SMOC1: variants seen among roughly 807,000 people sequenced by gnomAD.
SMOC1 encodes SPARC-related modular calcium-binding protein 1.
Under a neutral mutation model 56.3 loss-of-function variants are expected in SMOC1, and 22 were observed. The ratio of observed to expected loss-of-function variants is 0.39; its 90% confidence interval spans 0.28 to 0.56. The LOEUF (loss-of-function observed/expected upper bound fraction) is 0.56. Among genes scored for constraint, SMOC1 ranks in the 20% least tolerant of loss-of-function variants. The pLI is 0.61. For synonymous variants in SMOC1, 193 were observed against 215.0 expected (o/e 0.90, Z 0.89); for missense variants, 509 against 565.4 (o/e 0.90, Z 1.01).
intron 1 of SMOC1, among the ~76,000 whole-genome samples, chr14:69,951,760 A>T (rs898697631): frequency 6.6e-6 from 1 of 152,228 alleles, no homozygotes; most frequent in Non-Finnish European, 1.5e-5. Flanking sequence ...TGACAGATTT[A>T]GGTTCTAATT....
chr14:69,992,326 A>G, intron 5 of SMOC1, 91 bp from the exon 6 acceptor site: 2 of 1,334,378 alleles, frequency 1.5e-6, no homozygotes, highest in Non-Finnish European at 2.1e-6. Context: ...GGCCTTGTAC[A>G]AACCCCAACC....
intron 1 of SMOC1, among the ~76,000 whole-genome samples, chr14:69,904,807 G>T (rs1884362496): frequency 1.3e-5 from 2 of 152,182 alleles, no homozygotes; most frequent in Admixed American, 1.3e-4. Flanking sequence ...CCTTCATGGG[G>T]TTGTGGTGAC....
At chr14:69,915,937 C>T (rs1397303290) in intron 1 of SMOC1, among the ~76,000 whole-genome samples, 1 of 152,230 alleles carries the variant, frequency 6.6e-6, no homozygotes, top group African/African-American at 2.4e-5. Context: ...TCCCTATTCT[C>T]ATTCCTTTGC....
intron 5 of SMOC1, among the ~76,000 whole-genome samples, chr14:69,988,463 C>T (rs1255363371): frequency 2.0e-5 from 3 of 152,130 alleles, no homozygotes; most frequent in Non-Finnish European, 4.4e-5. Context: ...AGTCTTCCCC[C>T]AAATTAAGGA....
At chr14:69,897,810 T>C (rs776068609) in intron 1 of SMOC1, among the ~76,000 whole-genome samples, 11 of 152,234 alleles carry the variant, frequency 7.2e-5, no homozygotes, top group Non-Finnish European at 1.3e-4. Flanking sequence ...AAAACTATTA[T>C]CTGTTAAATT....
intron 5 of SMOC1, among the ~76,000 whole-genome samples, chr14:69,985,408 G>T (rs1364993447): frequency 6.6e-6 from 1 of 152,084 alleles, no homozygotes; most frequent in Non-Finnish European, 1.5e-5. Flanking sequence ...TTATTCCAGA[G>T]AAATGAAAAT....
intron 1 of SMOC1, among the ~76,000 whole-genome samples, chr14:69,934,092 G>A (rs1418451485): frequency 6.6e-6 from 1 of 152,146 alleles, no homozygotes; most frequent in East Asian, 1.9e-4. Context: ...GGCTCATAGA[G>A]GTATGTATCT....
Position 69,994,132 on chromosome 14 carries a change from T to G in SMOC1, c.584-268T>G, listed in dbSNP as rs2139548688. ...TTCCTTACCTCCTGGGATAATATTT[T>G]TATTCCTGGATGGAGTGCTCAGTGC... On this transcript the variant is annotated intron_variant, in intron 6 of 11. Transcript: ENST00000361956. 9.7e-6 allele frequency: 5 copies of G among 513,390 alleles called. No individual in the cohort carries two copies. In the South Asian group the frequency reaches 1.1e-4, roughly 11 times the overall value. 31.8% of individuals were successfully genotyped at this position (513,390 alleles called of 1,614,324 possible). A position where few individuals can be genotyped will look rare whatever the true frequency, so the allele number is the denominator to read the frequency against.
chr14:69,902,959 G>C (rs936333806), intron 1 of SMOC1, among the ~76,000 whole-genome samples: 1 of 152,102 alleles, frequency 6.6e-6, no homozygotes, highest in Non-Finnish European at 1.5e-5. Flanking sequence ...GCGTGATCTC[G>C]GCTCGCTGCA....
intron 11 of SMOC1, among the ~76,000 whole-genome samples, chr14:70,023,965 A>C (rs1885834247): frequency 6.6e-6 from 1 of 152,054 alleles, no homozygotes; most frequent in South Asian, 2.1e-4. Flanking sequence ...TCTGGGGGTC[A>C]TCTCCATCCT....
chr14:69,959,566 G>A (rs1262260049), intron 3 of SMOC1, among the ~76,000 whole-genome samples: 2 of 152,166 alleles, frequency 1.3e-5, no homozygotes, highest in African/African-American at 4.8e-5. Context: ...TCTTGATATA[G>A]TTGTATGGGC....
intron 1 of SMOC1, among the ~76,000 whole-genome samples, chr14:69,917,901 T>G (rs1396244392): frequency 1.3e-5 from 2 of 152,096 alleles, no homozygotes; most frequent in African/African-American, 2.4e-5. Context: ...GCAGGCAGAA[T>G]GGGAGGCAAC....
At chr14:69,911,029 G>A (rs150698891) in intron 1 of SMOC1, among the ~76,000 whole-genome samples, 1 of 152,290 alleles carries the variant, frequency 6.6e-6, no homozygotes, top group African/African-American at 2.4e-5. Flanking sequence ...CCTGGGAGTT[G>A]GGCAGCTGCA....
At chr14:69,950,447 G>C (rs1882950354) in intron 1 of SMOC1, among the ~76,000 whole-genome samples, 1 of 152,194 alleles carries the variant, frequency 6.6e-6, no homozygotes, top group African/African-American at 2.4e-5. Flanking sequence ...TCACACAAAG[G>C]GCCCACAAAT....
At chr14:69,898,984 T>G (rs965806487) in intron 1 of SMOC1, among the ~76,000 whole-genome samples, 8 of 151,998 alleles carry the variant, frequency 5.3e-5, no homozygotes, top group African/African-American at 1.9e-4. Context: ...AGGTCTCAGT[T>G]TTTTGGTGAG....
At chr14:69,979,080 T>C (rs748187992) in intron 5 of SMOC1, among the ~76,000 whole-genome samples, 9 of 152,012 alleles carry the variant, frequency 5.9e-5, no homozygotes, top group Non-Finnish European at 1.0e-4. Context: ...GGAAACTACA[T>C]GCTCATCAGG....
At chr14:69,885,422 T>C in intron 1 of SMOC1, 6 of 1,601,358 alleles carry the variant, frequency 3.7e-6, no homozygotes, top group Non-Finnish European at 5.1e-6. Context: ...ACCCAGGACA[T>C]TGCCACCCCA....
intron 3 of SMOC1, among the ~76,000 whole-genome samples, chr14:69,967,247 A>G (rs946725768): frequency 6.6e-6 from 1 of 152,200 alleles, no homozygotes; most frequent in African/African-American, 2.4e-5. Flanking sequence ...TGAGGTAAAT[A>G]CTCTTAAAGG....
chr14:69,896,780 C>T (rs764956037), intron 1 of SMOC1, among the ~76,000 whole-genome samples: 15 of 152,178 alleles, frequency 9.9e-5, no homozygotes, highest in Admixed American at 2.0e-4. Flanking sequence ...CTCCATGTGC[C>T]GTGTGGCTAT....
Sources: allele counts gnomAD v4.1 joint callset (sites outside exome capture counted in the v4.1 genomes callset), GRCh38; gene constraint gnomAD v4.1.1; transcripts MANE v1.5; gene names NCBI Gene and HGNC (gene_info 2026-07-23, HGNC 2026-07-21).